The following NELL2 variants were observed in gnomAD, a reference collection of about 807,000 sequenced individuals.
NELL2 encodes neural EGFL like 2.
NELL2 carries 41 observed loss-of-function variants against 109.6 expected under a neutral mutation model. That is an observed-to-expected ratio of 0.37 (90% confidence interval 0.29 to 0.49). The LOEUF (loss-of-function observed/expected upper bound fraction) is 0.49, where lower values mean the gene tolerates loss of function less well. Among genes scored for constraint, NELL2 ranks in the 20% least tolerant of loss-of-function variants. The probability of loss-of-function intolerance (pLI) is 0.98; values close to 1 mark genes in which losing one functional copy is unlikely to be tolerated. For missense variants in NELL2, 900 were observed against 1,008.3 expected (o/e 0.89, Z 1.45); for synonymous variants, 355 against 344.7 (o/e 1.03, Z -0.33).
intron 2 of NELL2, among the ~76,000 whole-genome samples, chr12:44,827,622 A>C (rs1943756715): frequency 1.3e-5 from 2 of 152,114 alleles, no homozygotes; most frequent in African/African-American, 4.8e-5. Context: ...AAACACCTCC[A>C]GTTCCACCCA....
intron 15 of NELL2, among the ~76,000 whole-genome samples, chr12:44,539,141 A>T (rs1009107602): frequency 4.6e-5 from 7 of 152,078 alleles, no homozygotes; most frequent in African/African-American, 1.7e-4. Context: ...TTGTAATAGC[A>T]TCTATAACTA....
intron 12 of NELL2, among the ~76,000 whole-genome samples, chr12:44,698,646 A>T (rs1414134392): frequency 6.6e-6 from 1 of 152,144 alleles, no homozygotes; most frequent in African/African-American, 2.4e-5. Flanking sequence ...GAAATTAGGT[A>T]CTTGGAGGTG....
chr12:44,802,003 T>C (rs938472751), intron 3 of NELL2, among the ~76,000 whole-genome samples: 3 of 152,280 alleles, frequency 2.0e-5, no homozygotes. Context: ...CCTTCCCTTT[T>C]CATATCTAGA....
At chr12:44,621,917 C>T (rs912371072) in intron 13 of NELL2, among the ~76,000 whole-genome samples, 2 of 149,138 alleles carry the variant, frequency 1.3e-5, no homozygotes, top group Admixed American at 7.0e-5. Context: ...TCCTGGTTCA[C>T]GTAGCGCTTC....
intron 1 of NELL2, among the ~76,000 whole-genome samples, chr12:44,894,650 T>C (rs957211073): frequency 2.6e-5 from 4 of 152,212 alleles, no homozygotes; most frequent in East Asian, 1.9e-4. Context: ...GTCTCACAGA[T>C]GTGCAATGTC....
chr12:44,827,694 T>C (rs1245260893), intron 2 of NELL2, among the ~76,000 whole-genome samples: 5 of 152,226 alleles, frequency 3.3e-5, no homozygotes. Context: ...GTAAGTACCA[T>C]ATTTTCATTA....
intron 1 of NELL2, among the ~76,000 whole-genome samples, chr12:44,898,008 G>C (rs1319953878): frequency 6.6e-6 from 1 of 152,176 alleles, no homozygotes; most frequent in Non-Finnish European, 1.5e-5. Flanking sequence ...GGGAACTTCA[G>C]ACTGGGTAAA....
At chr12:44,528,025 T>TGGA (rs1392978246) in intron 16 of NELL2, among the ~76,000 whole-genome samples, 1 of 125,654 alleles carries the variant, frequency 8.0e-6, no homozygotes, top group Non-Finnish European at 1.6e-5. Flanking sequence ...ACCGGGGAGG[T>TGGA]GGAGCTTGCT....
chr12:44,776,029 G>A lies in NELL2; in HGVS notation c.884C>T (p.Thr295Ile), dbSNP rs373416367. 1.2e-6 allele frequency: 2 copies of A among 1,613,708 alleles called. No homozygotes were observed. Among genetic ancestry groups the A allele is most frequent in the Non-Finnish European group, 8.5e-7 (1 of 1,179,838 alleles). The change falls in exon 8 of 20, where the codon ACA becomes ATA. Residue 295 changes from threonine to isoleucine, a missense_variant. Physicochemically the swap from Thr to Ile is moderately conservative, Grantham distance 89. Transcript: ENST00000429094. ...ESWIDGCKNC[T>I]CLNGTIQCET... is the part of the protein sequence containing the mutation. The stretch of plus-strand genomic sequence containing the variant: ...CTCAAATAGAAGCCATACCAGGCAT[G>A]TGCAGTTCTTACAGCCGTCTATCCA...
intron 12 of NELL2, 141 bp from the exon 13 acceptor site, chr12:44,665,750 G>T: frequency 1.0e-6 from 1 of 982,814 alleles, no homozygotes; most frequent in Non-Finnish European, 1.4e-6. Flanking sequence ...CCTTTGCTAG[G>T]AGTGTTTAAT....
exon 1 of NELL2, chr12:44,913,822 T>C (rs780724710): frequency 2.4e-6 from 2 of 824,490 alleles, no homozygotes; most frequent in Admixed American, 6.2e-5. Context: ...AAATGAGAAG[T>C]CTTCTTATAG....
rs530997632 is a variant in NELL2, at chr12:44,608,779, G to C, written c.1568-1515C>G. On this transcript the variant is annotated intron_variant, in intron 14 of 19. Coordinates refer to ENST00000429094, the MANE Select transcript of NELL2 (RefSeq NM_001145108.2). ...AACTCTCAGAACCTTCAGGTGATTT[G>C]GGGGAAGTCCTAAGGACTTAGTTAT... Among the ~76,000 whole-genome samples, 356 of 151,776 alleles carry C rather than the reference G, an allele frequency of 2.3e-3. 3 individuals are homozygous for C. Among genetic ancestry groups the C allele is most frequent in the African/African-American group, 7.8e-3 (324 of 41,440 alleles).
At chr12:44,556,034 T>C (rs2136173367) in intron 15 of NELL2, among the ~76,000 whole-genome samples, 1 of 152,312 alleles carries the variant, frequency 6.6e-6, no homozygotes, top group South Asian at 2.1e-4. Context: ...GGACTATTGA[T>C]AACTTACCAA....
intron 15 of NELL2, among the ~76,000 whole-genome samples, chr12:44,539,639 G>A (rs1452263): frequency 0.051 from 7,737 of 151,858 alleles, 649 homozygotes; most frequent in African/African-American, 0.17. Context: ...TTTGACCTTA[G>A]CCACTACCAT....
At chr12:44,732,492 C>T (rs961167811) in intron 9 of NELL2, among the ~76,000 whole-genome samples, 5 of 151,824 alleles carry the variant, frequency 3.3e-5, no homozygotes, top group Non-Finnish European at 7.4e-5. Flanking sequence ...GTTGGGAAAA[C>T]AATATCAAAT....
chr12:44,619,074 G>T (rs1167879743), intron 13 of NELL2, among the ~76,000 whole-genome samples: 2 of 152,158 alleles, frequency 1.3e-5, no homozygotes, highest in African/African-American at 4.8e-5. Flanking sequence ...AAAGAGATGA[G>T]GACTGACTGA....
chr12:44,516,438 G>A (rs1036186864), intron 19 of NELL2, among the ~76,000 whole-genome samples: 1 of 152,104 alleles, frequency 6.6e-6, no homozygotes, highest in African/African-American at 2.4e-5. Flanking sequence ...GATATTAACA[G>A]TGCACAAAAA....
At chr12:44,676,166 T>A (rs1948310131) in intron 12 of NELL2, among the ~76,000 whole-genome samples, 1 of 152,156 alleles carries the variant, frequency 6.6e-6, no homozygotes, top group Non-Finnish European at 1.5e-5. Context: ...CAATATGGGT[T>A]ATTGCTAAGT....
chr12:44,580,652 G>T lies in NELL2; in HGVS notation c.1663+26517C>A, dbSNP rs369098486. Among the ~76,000 whole-genome samples, 174 of 152,294 alleles carry T rather than the reference G, an allele frequency of 1.1e-3. 1 individual carries two copies. The highest frequency in any genetic ancestry group is 3.8e-3 in the African/African-American group (156 of 41,564). On this transcript the variant is annotated intron_variant, in intron 15 of 19. Transcript: ENST00000429094. ...CGCTAGAACCCAGGAGGCAGAGGTT[G>T]CAGTGAGCCAAAATCGCGCTACTGC...
Sources: allele counts gnomAD v4.1 joint callset (sites outside exome capture counted in the v4.1 genomes callset), GRCh38; gene constraint gnomAD v4.1.1; transcripts MANE v1.5; gene names NCBI Gene and HGNC (gene_info 2026-07-23, HGNC 2026-07-21).